Variants in C12orf42 observed in about 807,000 individuals in gnomAD.
The protein encoded by C12orf42 is uncharacterized protein C12orf42.
C12orf42 carries 25 observed loss-of-function variants against 21.6 expected under a neutral mutation model. That is an observed-to-expected ratio of 1.16 (90% CI 0.84 to 1.62). The LOEUF is 1.62. C12orf42 is among the 40% of genes most tolerant of loss of function. The pLI is 0.00. For missense variants in C12orf42, 483 were observed against 459.3 expected (o/e 1.05, Z -0.47); for synonymous variants, 174 against 175.0 (o/e 0.99, Z 0.05).
At chr12:103,050,298 G>A in the C12orf42 span, among the ~76,000 whole-genome samples, 1 of 151,560 alleles carries the variant, frequency 6.6e-6, no homozygotes, top group East Asian at 1.9e-4. Context: ...GCTATAAAAT[G>A]CTACACAGTT....
chr12:103,438,440 T>C (rs1173342509), intron 2 of C12orf42, among the ~76,000 whole-genome samples: 1 of 151,910 alleles, frequency 6.6e-6, no homozygotes, highest in Non-Finnish European at 1.5e-5. Flanking sequence ...TAAAGGGTAT[T>C]CAATTAGGAA....
the C12orf42 span, among the ~76,000 whole-genome samples, chr12:103,202,975 T>C: frequency 6.6e-6 from 1 of 152,230 alleles, no homozygotes; most frequent in South Asian, 2.1e-4. Context: ...TCTAAATCTA[T>C]TCTGGCACTA....
the C12orf42 span, among the ~76,000 whole-genome samples, chr12:103,530,157 TAG>T: frequency 2.0e-5 from 3 of 152,242 alleles, no homozygotes; most frequent in African/African-American, 7.2e-5. Flanking sequence ...CGTACTTTTT[TAG>T]AGATTCCTCT....
At chr12:103,193,956 A>G in the C12orf42 span, among the ~76,000 whole-genome samples, 62,757 of 151,878 alleles carry the variant, frequency 0.41, 13,384 homozygotes, top group South Asian at 0.49. Flanking sequence ...AATTCAAACC[A>G]CATTAGAAGC....
chr12:103,174,384 G>T, the C12orf42 span, among the ~76,000 whole-genome samples: 2 of 152,188 alleles, frequency 1.3e-5, no homozygotes, highest in Non-Finnish European at 1.5e-5. Context: ...TAATTTGGGA[G>T]CTATGTACCA....
At chr12:103,333,541 G>A (rs2041427696) in intron 4 of C12orf42, among the ~76,000 whole-genome samples, 1 of 152,146 alleles carries the variant, frequency 6.6e-6, no homozygotes, top group African/African-American at 2.4e-5. Context: ...AATTTCAGAA[G>A]CAAGGAAGAA....
At chr12:103,168,641 G>T in the C12orf42 span, among the ~76,000 whole-genome samples, 2 of 151,948 alleles carry the variant, frequency 1.3e-5, no homozygotes, top group Non-Finnish European at 2.9e-5. Context: ...TTCTTAACCC[G>T]TTTAAAAATC....
chr12:103,417,698 G>T (rs577001661), intron 2 of C12orf42, among the ~76,000 whole-genome samples: 1 of 152,312 alleles, frequency 6.6e-6, no homozygotes, highest in Admixed American at 6.5e-5. Flanking sequence ...AATCCTCTCA[G>T]TACCTGGAAA....
the C12orf42 span, among the ~76,000 whole-genome samples, chr12:103,049,235 C>T: frequency 1.3e-5 from 2 of 152,196 alleles, no homozygotes; most frequent in Non-Finnish European, 2.9e-5. Flanking sequence ...CAAATCCGCT[C>T]CTCTCATGAT....
chr12:103,244,694 T>G (rs12299934), intron 10 of C12orf42, among the ~76,000 whole-genome samples: 13,389 of 152,128 alleles, frequency 0.088, 603 homozygotes, highest in East Asian at 0.15. Context: ...TTATCTTGAT[T>G]CCAAGGCCAT....
At chr12:103,194,349 G>C in the C12orf42 span, among the ~76,000 whole-genome samples, 1 of 151,962 alleles carries the variant, frequency 6.6e-6, no homozygotes, top group Non-Finnish European at 1.5e-5. Flanking sequence ...AGAAATAAAA[G>C]GCATCCAAAT....
chr12:103,161,141 G>C, the C12orf42 span, among the ~76,000 whole-genome samples: 1 of 152,172 alleles, frequency 6.6e-6, no homozygotes, highest in Non-Finnish European at 1.5e-5. Context: ...TTCCACTCTT[G>C]TGATTGCATA....
chr12:103,350,016 G>A (rs1412927716), intron 4 of C12orf42, among the ~76,000 whole-genome samples: 2 of 152,090 alleles, frequency 1.3e-5, no homozygotes, highest in Non-Finnish European at 2.9e-5. Context: ...AGGGTTAAAT[G>A]TATTTGGGAA....
chr12:103,467,014 C>T (rs1953191180), intron 2 of C12orf42, among the ~76,000 whole-genome samples: 1 of 152,230 alleles, frequency 6.6e-6, no homozygotes, highest in African/African-American at 2.4e-5. Flanking sequence ...AGTGGACCCA[C>T]AGCTGACCAC....
chr12:103,231,872 T>C, the C12orf42 span, among the ~76,000 whole-genome samples: 1 of 152,240 alleles, frequency 6.6e-6, no homozygotes, highest in African/African-American at 2.4e-5. Context: ...TTTTTAGTTT[T>C]GTAGAAAACT....
At chr12:103,256,109 T>TACAC (rs2034585028) in intron 10 of C12orf42, among the ~76,000 whole-genome samples, 8 of 43,816 alleles carry the variant, frequency 1.8e-4, no homozygotes, top group Admixed American at 1.5e-3. Context: ...TATATATATA[T>TACAC]ATACACACAC....
chr12:103,318,927 T>C (rs908738757), intron 4 of C12orf42, among the ~76,000 whole-genome samples: 3 of 152,232 alleles, frequency 2.0e-5, no homozygotes, highest in East Asian at 1.9e-4. Flanking sequence ...ACTTGAATGA[T>C]TCTTTCATCT....
chr12:103,540,780 A>G, the C12orf42 span, among the ~76,000 whole-genome samples: 1 of 152,200 alleles, frequency 6.6e-6, no homozygotes, highest in African/African-American at 2.4e-5. Context: ...ATTTTCTGCA[A>G]TGACAGCTAT....
At chr12:103,070,617 T>G in the C12orf42 span, among the ~76,000 whole-genome samples, 4 of 152,066 alleles carry the variant, frequency 2.6e-5, no homozygotes, top group Non-Finnish European at 5.9e-5. Flanking sequence ...CATACATATA[T>G]GCAAATGTAC....
Sources: allele counts gnomAD v4.1 joint callset (sites outside exome capture counted in the v4.1 genomes callset), GRCh38; gene constraint gnomAD v4.1.1; transcripts MANE v1.5; gene names NCBI Gene and HGNC (gene_info 2026-07-23, HGNC 2026-07-21).